Variants in ZNF45 observed in about 807,000 individuals in gnomAD.
The protein encoded by ZNF45 is zinc finger protein 45.
ZNF45 carries 4 observed loss-of-function variants against 12.0 expected under a neutral mutation model. The ratio of observed to expected loss-of-function variants is 0.33; its 90% confidence interval spans 0.16 to 0.76. ZNF45 has a LOEUF of 0.76. Ranked by LOEUF, ZNF45 falls within the 30% of genes least tolerant of loss-of-function variation. The pLI, the probability that ZNF45 is intolerant of heterozygous loss-of-function variation, is 0.60. For missense variants in ZNF45, 700 were observed against 813.0 expected, an observed-to-expected ratio of 0.86 and a Z score of 1.69; for synonymous variants, 272 against 279.6, an observed-to-expected ratio of 0.97 and a Z score of 0.27.
chr19:43,927,021 T>A (rs373769811), intron 3 of ZNF45, among the ~76,000 whole-genome samples: 1 of 152,146 alleles, frequency 6.6e-6, no homozygotes, highest in East Asian at 1.9e-4. Context: ...GGGAGGAGGC[T>A]AGGGCCAGAG....
chr19:43,917,238 T>C (rs1972758956), intron 9 of ZNF45, among the ~76,000 whole-genome samples: 1 of 152,198 alleles, frequency 6.6e-6, no homozygotes. Context: ...CACACACACC[T>C]ACCCATATGT....
At chr19:43,919,818 A>G (rs1972983549) in intron 7 of ZNF45, 119 bp from the exon 8 acceptor site, 9 of 1,080,584 alleles carry the variant, frequency 8.3e-6, no homozygotes, top group Non-Finnish European at 1.1e-5. Context: ...AAGAGACCAT[A>G]TTCAACTTTA....
chr19:43,920,008 TTTC>T (rs1359865332), intron 7 of ZNF45, among the ~76,000 whole-genome samples: 3 of 152,146 alleles, frequency 2.0e-5, no homozygotes, highest in South Asian at 2.1e-4. Flanking sequence ...TACGACAGAT[TTTC>T]TTTTCAATTT....
In ZNF45 at chr19:43,918,899, T is replaced by C. The variant is rs1476591532; in HGVS notation, c.206A>G (p.Lys69Arg). 2 of 1,614,134 alleles carry C rather than the reference T, an allele frequency of 1.2e-6. No homozygotes were observed. The highest frequency in any genetic ancestry group is 1.7e-6 in the Non-Finnish European group (2 of 1,180,000). ...LEREEKLWMM[K>R]MATQRDNSSG... Reference sequence around the variant, plus strand: ...GGAGTTATCTCTCTGGGTTGCCATCTTCATCATCCACAGCTTTTCTTCTCT... The same window carrying C: ...GGAGTTATCTCTCTGGGTTGCCATCCTCATCATCCACAGCTTTTCTTCTCT... Residue 69 changes from lysine (K) to arginine (R), a missense_variant, in exon 9 of 10, where the codon AAG becomes AGG. Physicochemically the swap from Lys to Arg is conservative, Grantham distance 26. Transcript: ENST00000269973.
chr19:43,919,294 A>G (rs1260239039), intron 8 of ZNF45, among the ~76,000 whole-genome samples: 2 of 152,322 alleles, frequency 1.3e-5, no homozygotes, highest in East Asian at 3.9e-4. Flanking sequence ...AAAAAAACCA[A>G]TGGTACAATT....
In ZNF45 at chr19:43,913,662, G is replaced by A. The variant is rs752519575; in HGVS notation, c.1774C>T (p.Arg592Cys). Reference sequence around the variant, plus strand: ...TGAAGGTAGGATCTCTGTCTGAAGCGCTTACCACACACATCACATCGGTAT... The same window carrying A: ...TGAAGGTAGGATCTCTGTCTGAAGCACTTACCACACACATCACATCGGTAT... ...KPYRCDVCGK[R>C]FRQRSYLQAH... Residue 592 changes from arginine (R) to cysteine (C), a missense_variant, in exon 10 of 10, where the codon CGC (arginine) becomes TGC (cysteine). Physicochemically the swap from Arg to Cys is radical, Grantham distance 180 (BLOSUM62 -3). Coordinates refer to ENST00000269973, the MANE Select transcript of ZNF45 (RefSeq NM_003425.4). 2.4e-5 allele frequency: 39 copies of A among 1,612,612 alleles called. No homozygotes were observed. The highest frequency in any genetic ancestry group is 4.0e-5 in the African/African-American group (3 of 74,316).
chr19:43,915,405 C>T lies in ZNF45; in HGVS notation c.236-205G>A, dbSNP rs73565446. ...ACACATAAATTTTCAAAAACCTTTG[C>T]CTGGGATTATTTCATTGGAAGTTTA... On this transcript the variant is annotated intron_variant, in intron 9 of 9. Coordinates refer to ENST00000269973, the MANE Select transcript of ZNF45 (RefSeq NM_003425.4). Among the ~76,000 whole-genome samples the T allele has an allele frequency of 3.0e-3, 464 of 152,302 alleles. 2 individuals are homozygous for T. The highest frequency in any genetic ancestry group is 0.01 in the African/African-American group (429 of 41,572).
chr19:43,930,600 C>T (rs545281117), intron 3 of ZNF45, among the ~76,000 whole-genome samples: 2 of 152,294 alleles, frequency 1.3e-5, no homozygotes, highest in South Asian at 4.1e-4. Flanking sequence ...TGATTATCAG[C>T]TCCCTGCTCC....
chr19:43,916,785 G>C (rs868668619), intron 9 of ZNF45, among the ~76,000 whole-genome samples: 3 of 152,104 alleles, frequency 2.0e-5, no homozygotes, highest in Non-Finnish European at 4.4e-5. Flanking sequence ...TGGAAAGAGC[G>C]ATTCTTCTGG....
intron 3 of ZNF45, among the ~76,000 whole-genome samples, chr19:43,927,430 T>C (rs1344339909): frequency 6.6e-6 from 1 of 152,158 alleles, no homozygotes; most frequent in Non-Finnish European, 1.5e-5. Flanking sequence ...CATATGATTG[T>C]TGAAGGGTCT....
At chr19:43,915,871 C>T (rs545909916) in intron 9 of ZNF45, among the ~76,000 whole-genome samples, 22 of 152,216 alleles carry the variant, frequency 1.4e-4, no homozygotes, top group Non-Finnish European at 2.5e-4. Flanking sequence ...ACCTAAAGTT[C>T]GAGTGTAAAC....
At chr19:43,923,137 T>C (rs1351660454) in intron 6 of ZNF45, among the ~76,000 whole-genome samples, 3 of 152,224 alleles carry the variant, frequency 2.0e-5, no homozygotes, top group Admixed American at 6.5e-5. Flanking sequence ...ATGAATTCTT[T>C]AGTAGAGGTT....
intron 2 of ZNF45, among the ~76,000 whole-genome samples, chr19:43,933,278 G>A (rs1974278019): frequency 6.6e-6 from 1 of 152,104 alleles, no homozygotes; most frequent in South Asian, 2.1e-4. Context: ...AGACCAGCCT[G>A]GCCAACATGG....
chr19:43,914,640 G>A lies in ZNF45; in HGVS notation c.796C>T (p.Pro266Ser). The change falls in exon 10 of 10, where the codon CCT (proline) becomes TCT (serine). Residue 266 changes from proline (P) to serine (S), a missense_variant. Transcript: ENST00000269973. ...TTCTCTCCCGTATGAACTATCAGAG[G>A]AGCTTGACAATGTGAGCTTTTCCCA... ...NVGKSSHCQA[P>S]LIVHTGEKPY... The A allele has an allele frequency of 1.9e-6, 3 of 1,613,652 alleles. No homozygotes were observed. Among genetic ancestry groups the A allele is most frequent in the Non-Finnish European group, 2.5e-6 (3 of 1,179,734 alleles).
rs1477451206 is a variant in ZNF45 at position 43,934,685 on chromosome 19, GC to G, written c.-747del. On this transcript the variant is annotated 5_prime_UTR_variant, in exon 2 of 10. Transcript: ENST00000269973. ...ACGGGTCAGGCATAGTCCAAGAACAGCCTCCTTTCCTGCAGGAATCAGAAAG... is the reference window on the plus strand; with the variant it reads ...ACGGGTCAGGCATAGTCCAAGAACAGCTCCTTTCCTGCAGGAATCAGAAAG... 6.6e-6 allele frequency: 1 copy of G among 152,176 alleles called. No individual in the cohort carries two copies. Among genetic ancestry groups the G allele is most frequent in the Admixed American group, 6.5e-5 (1 of 15,284 alleles). 9.4% of individuals were successfully genotyped at this position (152,176 alleles called of 1,614,324 possible).
At chr19:43,922,901 C>T (rs2146996969) in intron 6 of ZNF45, among the ~76,000 whole-genome samples, 1 of 141,790 alleles carries the variant, frequency 7.1e-6, no homozygotes, top group African/African-American at 2.6e-5. Context: ...TCATGACTCA[C>T]TAAAGCCTTG....
chr19:43,917,906 G>A (rs1403298079), intron 9 of ZNF45, among the ~76,000 whole-genome samples: 1 of 152,050 alleles, frequency 6.6e-6, no homozygotes, highest in Non-Finnish European at 1.5e-5. Flanking sequence ...GATATGTTAG[G>A]CCCTTATTAC....
At chr19:43,920,383 A>G (rs1403598676) in intron 7 of ZNF45, among the ~76,000 whole-genome samples, 1 of 151,796 alleles carries the variant, frequency 6.6e-6, no homozygotes, top group African/African-American at 2.4e-5. Flanking sequence ...CTTAAACTCA[A>G]CACTATTGCT....
In ZNF45 at chr19:43,919,582, C is replaced by G. The variant is rs1381239478; in HGVS notation, c.133G>C (p.Val45Leu). Residue 45 changes from valine (V) to leucine (L), a missense_variant, in exon 8 of 10, where the codon GTC becomes CTC. Val to Leu is a conservative substitution (Grantham distance 32, BLOSUM62 1). Transcript: ENST00000269973. ...DVMLENFRNV[V>L]SVGHQSTPDG... is the part of the protein sequence containing the mutation. The stretch of plus-strand genomic sequence containing the variant: ...GAATGCCTGTCCTCACCCACTGAGA[C>G]CACATTCCTGAAGTTCTCCAGCATC... 1 of 1,612,172 alleles carries G rather than the reference C, an allele frequency of 6.2e-7. No homozygotes were observed. Among genetic ancestry groups the G allele is most frequent in the African/African-American group, 1.3e-5 (1 of 74,818 alleles).
Sources: gnomAD v4.1 joint callset for allele counts (sites outside exome capture counted in the v4.1 genomes callset) on GRCh38, gnomAD v4.1.1 for gene constraint, MANE v1.5 for transcripts, NCBI Gene and HGNC (gene_info 2026-07-23, HGNC 2026-07-21) for gene names.